Variants in SLC28A1 observed in about 807,000 individuals in gnomAD.
SLC28A1 encodes solute carrier family 28 member 1.
In SLC28A1, 64 loss-of-function variants were observed where a neutral mutation model predicts 74.8. That is an observed-to-expected ratio of 0.86 (90% CI 0.70 to 1.05). The LOEUF is 1.05. Ranked by LOEUF, SLC28A1 falls within the 50% of genes least tolerant of loss-of-function variation. The pLI is 0.00. For missense variants in SLC28A1, 828 were observed against 822.8 expected (o/e 1.01, Z -0.08); for synonymous variants, 359 against 335.0 (o/e 1.07, Z -0.78).
the SLC28A1 span, among the ~76,000 whole-genome samples, chr15:84,962,294 G>A: frequency 1.5e-4 from 23 of 150,522 alleles, no homozygotes; most frequent in Non-Finnish European, 2.7e-4. Flanking sequence ...GGCTTGTCTC[G>A]AACTCCTGGC....
chr15:84,965,770 T>G, the SLC28A1 span, among the ~76,000 whole-genome samples: 1 of 152,110 alleles, frequency 6.6e-6, no homozygotes, highest in Non-Finnish European at 1.5e-5. Context: ...GGATAGTTGG[T>G]CACATTCTCC....
chr15:84,905,418 A>G, intron 7 of SLC28A1, 121 bp from the exon 8 acceptor site: 1 of 730,108 alleles, frequency 1.4e-6, no homozygotes, highest in Non-Finnish European at 2.5e-6. Context: ...CAGGCCTAGT[A>G]CTCTGCCTGG....
At chr15:84,961,641 G>C in the SLC28A1 span, 1 of 371,372 alleles carries the variant, frequency 2.7e-6, no homozygotes, top group South Asian at 2.1e-5. Flanking sequence ...TTGCCTGGCT[G>C]AGAGATAAAT....
intron 16 of SLC28A1, among the ~76,000 whole-genome samples, chr15:84,943,837 G>A (rs1426034782): frequency 6.6e-6 from 1 of 152,050 alleles, no homozygotes; most frequent in African/African-American, 2.4e-5. Context: ...GCTGAACCCA[G>A]GCACGAGGAT....
At chr15:84,906,564 CTCTTT>C (rs1967229461) in intron 8 of SLC28A1, among the ~76,000 whole-genome samples, 6 of 74,980 alleles carry the variant, frequency 8.0e-5, no homozygotes, top group African/African-American at 3.6e-4. Flanking sequence ...TTCTTTCTTT[CTCTTT>C]CTTTCTTCCT....
the SLC28A1 span, among the ~76,000 whole-genome samples, chr15:84,959,938 C>CTTA: frequency 3.3e-5 from 5 of 152,148 alleles, no homozygotes; most frequent in Non-Finnish European, 5.9e-5. Flanking sequence ...AGGGATAAGG[C>CTTA]TTATCAACTA....
At chr15:84,918,000 G>A (rs1032524569) in intron 9 of SLC28A1, among the ~76,000 whole-genome samples, 2 of 152,040 alleles carry the variant, frequency 1.3e-5, no homozygotes, top group African/African-American at 4.8e-5. Context: ...CTCAGGTCCG[G>A]GATAAGCCTA....
chr15:84,959,922 T>C, the SLC28A1 span, among the ~76,000 whole-genome samples: 1 of 152,014 alleles, frequency 6.6e-6, no homozygotes, highest in Admixed American at 6.6e-5. Flanking sequence ...CACTGAGGAG[T>C]TGGGGAGGGA....
At chr15:84,895,177 G>T (rs1364354201) in intron 6 of SLC28A1, 54 bp downstream of exon 6, 7 of 1,603,800 alleles carry the variant, frequency 4.4e-6, no homozygotes, top group Non-Finnish European at 4.3e-6. Context: ...TGAGCTGAGG[G>T]GTTGGCTCCA....
intron 12 of SLC28A1, among the ~76,000 whole-genome samples, chr15:84,925,775 CTT>C (rs966787917): frequency 6.7e-6 from 1 of 148,440 alleles, no homozygotes; most frequent in Admixed American, 6.8e-5. Flanking sequence ...CTTTCTCTCT[CTT>C]TTTTTTTTAA....
At chr15:84,951,934 A>G in the SLC28A1 span, among the ~76,000 whole-genome samples, 2 of 152,218 alleles carry the variant, frequency 1.3e-5, no homozygotes, top group Non-Finnish European at 2.9e-5. Flanking sequence ...CAGAGACAGA[A>G]GGCAAGGCGA....
intron 6 of SLC28A1, among the ~76,000 whole-genome samples, chr15:84,900,871 CAAGGAAGG>C (rs60285824): frequency 0.21 from 30,341 of 146,262 alleles, 3,625 homozygotes; most frequent in East Asian, 0.41. Flanking sequence ...GGGTGAAAGG[CAAGGAAGG>C]AAGGAAGGAA....
At chr15:84,923,439 CAG>C (rs566910512) in intron 11 of SLC28A1, among the ~76,000 whole-genome samples, 141 of 152,296 alleles carry the variant, frequency 9.3e-4, no homozygotes, top group African/African-American at 3.2e-3. Flanking sequence ...TTCTATATAA[CAG>C]TGCCTGGAAC....
chr15:84,924,220 C>T (rs1970208394), intron 12 of SLC28A1, 110 bp downstream of exon 12: 3 of 1,320,908 alleles, frequency 2.3e-6, no homozygotes, highest in African/African-American at 2.9e-5. Flanking sequence ...CTCTCTTGGG[C>T]CTGCTGTGCT....
At chr15:84,944,511 G>A (rs1324103113) in intron 16 of SLC28A1, 55 bp from the exon 17 acceptor site, 27 of 1,227,378 alleles carry the variant, frequency 2.2e-5, no homozygotes, top group Admixed American at 5.1e-5. Context: ...GCTGCGGAAC[G>A]CGGGCAGAGA....
chr15:84,919,099 G>T (rs1216281560), intron 10 of SLC28A1, among the ~76,000 whole-genome samples: 1 of 152,168 alleles, frequency 6.6e-6, no homozygotes, highest in Non-Finnish European at 1.5e-5. Context: ...CTAGAGGAAA[G>T]GTTGCAGTTT....
intron 6 of SLC28A1, among the ~76,000 whole-genome samples, chr15:84,902,227 C>T (rs1048013249): frequency 2.0e-5 from 3 of 152,140 alleles, no homozygotes; most frequent in Non-Finnish European, 4.4e-5. Flanking sequence ...CACCTATAAT[C>T]CCAGCACTTT....
At chr15:84,963,685 C>T in the SLC28A1 span, among the ~76,000 whole-genome samples, 2 of 152,186 alleles carry the variant, frequency 1.3e-5, no homozygotes, top group African/African-American at 4.8e-5. Flanking sequence ...ATGGGGTTCA[C>T]CCAGGATGAG....
Position 84,905,641 on chromosome 15 carries a change from G to A in SLC28A1, c.706G>A (p.Glu236Lys), listed in dbSNP as rs566405720. The A allele has an allele frequency of 1.1e-5, 18 of 1,612,486 alleles. No individual in the cohort carries two copies. Among genetic ancestry groups the A allele is most frequent in the African/African-American group, 2.7e-5 (2 of 74,994 alleles). Reference protein sequence around the residue: ...PGFIAFEWLGEQIRIFLSYTK... With the variant: ...PGFIAFEWLGKQIRIFLSYTK... ...ATTCATTGCGTTCGAGTGGCTGGGCGAGCAGATCCGGGTAGGTATGTGGGG... is the reference window on the plus strand; with the variant it reads ...ATTCATTGCGTTCGAGTGGCTGGGCAAGCAGATCCGGGTAGGTATGTGGGG... The change falls in exon 8 of 19, where the codon GAG (glutamate) becomes AAG (lysine). Residue 236 changes from glutamate to lysine, a missense_variant. By Grantham distance (56) the Glu-to-Lys change is moderately conservative. This residue lies in a region of SLC28A1 where 767 missense variants were observed against 753.5 expected (regional missense o/e 1.02). Coordinates refer to ENST00000394573, the MANE Select transcript of SLC28A1 (RefSeq NM_004213.5).
Sources: gnomAD v4.1 joint callset for allele counts (sites outside exome capture counted in the v4.1 genomes callset) on GRCh38, gnomAD v4.1.1 for gene constraint, gnomAD v4.1.1 regional missense constraint, MANE v1.5 for transcripts, NCBI Gene and HGNC (gene_info 2026-07-23, HGNC 2026-07-21) for gene names.